Variants in GPC5 observed in about 807,000 individuals in gnomAD.
GPC5 encodes the protein glypican 5.
GPC5 carries 47 observed loss-of-function variants against 53.9 expected under a neutral mutation model. The ratio of observed to expected loss-of-function variants is 0.87; its 90% CI spans 0.69 to 1.11. GPC5 has a LOEUF of 1.11. Ranked by LOEUF, GPC5 falls within the 50% of genes most tolerant of loss-of-function variation. GPC5 has a pLI of 0.00. For synonymous variants in GPC5, 286 were observed against 263.3 expected (o/e 1.09, Z -0.84); for missense variants, 748 against 713.1 (o/e 1.05, Z -0.56).
At chr13:92,075,727 G>C (rs1334761897) in intron 6 of GPC5, among the ~76,000 whole-genome samples, 1 of 152,080 alleles carries the variant, frequency 6.6e-6, no homozygotes, top group Admixed American at 6.6e-5. Context: ...TGGTTGGTGA[G>C]TTTAAAAGAT....
intron 5 of GPC5, among the ~76,000 whole-genome samples, chr13:91,773,220 C>T (rs980985947): frequency 4.6e-5 from 7 of 152,222 alleles, no homozygotes; most frequent in Middle Eastern, 3.4e-3. Context: ...TATTTAGTAA[C>T]ACCGATAGAA....
At chr13:92,330,797 A>T (rs1443939898) in intron 7 of GPC5, among the ~76,000 whole-genome samples, 1 of 152,174 alleles carries the variant, frequency 6.6e-6, no homozygotes, top group Non-Finnish European at 1.5e-5. Context: ...CAGAGCACCT[A>T]ACTCAGGTGT....
intron 2 of GPC5, among the ~76,000 whole-genome samples, chr13:91,454,756 A>G (rs1438939085): frequency 6.6e-6 from 1 of 152,068 alleles, no homozygotes; most frequent in African/African-American, 2.4e-5. Context: ...AGCATAAAGG[A>G]AGAAAATACA....
chr13:91,735,106 T>C (rs1193267461), intron 4 of GPC5, among the ~76,000 whole-genome samples: 1 of 151,356 alleles, frequency 6.6e-6, no homozygotes, highest in Non-Finnish European at 1.5e-5. Flanking sequence ...TTGTTAAATA[T>C]AAATTCTTAA....
intron 7 of GPC5, among the ~76,000 whole-genome samples, chr13:92,856,159 A>G (rs1878990316): frequency 6.6e-6 from 1 of 152,010 alleles, no homozygotes; most frequent in African/African-American, 2.4e-5. Flanking sequence ...AACTCATCAT[A>G]ATCATATGGG....
At chr13:92,606,830 C>T (rs1432118200) in intron 7 of GPC5, among the ~76,000 whole-genome samples, 1 of 151,946 alleles carries the variant, frequency 6.6e-6, no homozygotes, top group Non-Finnish European at 1.5e-5. Context: ...GCCGTCTTGA[C>T]CATGAAGAAA....
At chr13:92,109,767 GATTA>G (rs760640665) in intron 6 of GPC5, among the ~76,000 whole-genome samples, 2 of 152,008 alleles carry the variant, frequency 1.3e-5, no homozygotes, top group South Asian at 4.1e-4. Context: ...TGATTTTGTT[GATTA>G]ATCAATAAAA....
chr13:91,571,411 T>G (rs547162892), intron 2 of GPC5, among the ~76,000 whole-genome samples: 14 of 152,258 alleles, frequency 9.2e-5, no homozygotes, highest in Non-Finnish European at 1.6e-4. Context: ...GTTTTCATCC[T>G]ATTTTAAACT....
At chr13:92,428,166 C>G (rs1454243775) in intron 7 of GPC5, among the ~76,000 whole-genome samples, 1 of 152,012 alleles carries the variant, frequency 6.6e-6, no homozygotes. Context: ...CATTCCTGGC[C>G]CCCAACCTAT....
chr13:91,845,697 C>A (rs896691360), intron 5 of GPC5, among the ~76,000 whole-genome samples: 3 of 152,126 alleles, frequency 2.0e-5, no homozygotes, highest in African/African-American at 7.2e-5. Context: ...CTCAACAGTA[C>A]CAAGCAGTAA....
At chr13:91,939,194 C>A (rs1328189845) in intron 6 of GPC5, among the ~76,000 whole-genome samples, 2 of 152,044 alleles carry the variant, frequency 1.3e-5, no homozygotes, top group South Asian at 2.1e-4. Context: ...AATTATCCAT[C>A]TTCCTCTTTT....
At chr13:91,845,362 A>G (rs896640408) in intron 5 of GPC5, among the ~76,000 whole-genome samples, 3 of 152,098 alleles carry the variant, frequency 2.0e-5, no homozygotes, top group Admixed American at 6.6e-5. Flanking sequence ...ACAAAACTGT[A>G]CATATTTAAA....
chr13:92,484,693 C>T (rs991418380), intron 7 of GPC5: 4 of 151,996 alleles, frequency 2.6e-5, no homozygotes, highest in African/African-American at 7.2e-5. Context: ...TGAGTTTGGA[C>T]CATTATAGGT....
chr13:92,031,216 T>G (rs1385159693), intron 6 of GPC5, among the ~76,000 whole-genome samples: 1 of 152,142 alleles, frequency 6.6e-6, no homozygotes, highest in Non-Finnish European at 1.5e-5. Context: ...AAACCTCTTT[T>G]TCTTTTAGCT....
Position 92,330,909 on chromosome 13 carries a change from C to A in GPC5, c.1561+185920C>A, listed in dbSNP as rs1177444420. On this transcript the variant is annotated intron_variant, in intron 7 of 7. Transcript: ENST00000377067. Reference sequence around the variant, plus strand: ...CTTCTTCTGCTTTCAGAACAATAACCTGCCATCCTTTTTATTTTTCAAACT... The same window carrying A: ...CTTCTTCTGCTTTCAGAACAATAACATGCCATCCTTTTTATTTTTCAAACT... 2.0e-5 allele frequency among the ~76,000 whole-genome samples: 3 copies of A among 152,132 alleles called. No homozygotes were observed. The South Asian group carries it at 6.2e-4, about 31-fold the overall frequency.
intron 5 of GPC5, among the ~76,000 whole-genome samples, chr13:91,867,683 G>A (rs902420862): frequency 6.6e-6 from 1 of 152,160 alleles, no homozygotes; most frequent in Non-Finnish European, 1.5e-5. Flanking sequence ...TTAAGCCAGA[G>A]TGCTTTGTTA....
chr13:91,526,379 G>A (rs1886087854), intron 2 of GPC5, among the ~76,000 whole-genome samples: 2 of 152,118 alleles, frequency 1.3e-5, no homozygotes, highest in South Asian at 2.1e-4. Flanking sequence ...GAGACAAGAG[G>A]CAATCATAGC....
At chr13:91,828,693 A>G (rs2038612001) in intron 5 of GPC5, among the ~76,000 whole-genome samples, 1 of 152,072 alleles carries the variant, frequency 6.6e-6, no homozygotes, top group Non-Finnish European at 1.5e-5. Context: ...AGAAGCTCCA[A>G]ATGTACACAC....
chr13:92,204,559 T>C (rs1445440235), intron 7 of GPC5, among the ~76,000 whole-genome samples: 1 of 152,170 alleles, frequency 6.6e-6, no homozygotes, highest in Non-Finnish European at 1.5e-5. Flanking sequence ...ACCCTCTCTT[T>C]TGACACCAAC....
Sources: gnomAD v4.1 joint callset for allele counts (sites outside exome capture counted in the v4.1 genomes callset) on GRCh38, gnomAD v4.1.1 for gene constraint, MANE v1.5 for transcripts, NCBI Gene and HGNC (gene_info 2026-07-23, HGNC 2026-07-21) for gene names.